The following TOMM20 variants were observed in gnomAD, a reference collection of about 807,000 sequenced individuals.
The protein encoded by TOMM20 is translocase of outer mitochondrial membrane 20, also known as mitochondrial import receptor subunit TOM20 homolog.
TOMM20 carries 10 observed loss-of-function variants against 22.1 expected under a neutral mutation model. The observed-to-expected ratio is 0.45, with a 90% CI of 0.28 to 0.77. TOMM20 has a LOEUF of 0.77. Among genes scored for constraint, TOMM20 ranks in the 30% least tolerant of loss-of-function variants. The pLI, the probability that TOMM20 is intolerant of heterozygous loss-of-function variation, is 0.13. For synonymous variants in TOMM20, 55 were observed against 61.4 expected (o/e 0.90, Z 0.49); for missense variants, 121 against 172.2 (o/e 0.70, Z 1.66).
At chr1:235,113,207 TAA>T (rs892420657) in intron 4 of TOMM20, among the ~76,000 whole-genome samples, 2 of 152,328 alleles carry the variant, frequency 1.3e-5, no homozygotes, top group African/African-American at 4.8e-5. Flanking sequence ...AATTTACACA[TAA>T]GTTAATCTTT....
At chr1:235,115,066 G>C (rs572977347) in intron 3 of TOMM20, among the ~76,000 whole-genome samples, 1 of 150,978 alleles carries the variant, frequency 6.6e-6, no homozygotes, top group Non-Finnish European at 1.5e-5. Flanking sequence ...TTGTAGAAAC[G>C]GGGTCTCACT....
chr1:235,114,050 T>TA, intron 3 of TOMM20, 140 bp from the exon 4 acceptor site: 13 of 832,168 alleles, frequency 1.6e-5, no homozygotes, highest in South Asian at 2.1e-5. Flanking sequence ...AATGCATTCA[T>TA]ATAACTATTA....
At chr1:235,122,566 T>C (rs1375420143) in intron 1 of TOMM20, 194 bp from the exon 2 acceptor site, 1 of 433,362 alleles carries the variant, frequency 2.3e-6, no homozygotes, top group Non-Finnish European at 4.1e-6. Flanking sequence ...GACACTGCAC[T>C]GGAGCGTTCT....
intron 2 of TOMM20, 67 bp from the exon 3 acceptor site, chr1:235,119,966 T>C: frequency 1.0e-6 from 1 of 1,000,232 alleles, no homozygotes. Flanking sequence ...TACACAGATA[T>C]CAATAAAAAT....
chr1:235,119,200 T>C (rs1180913267), intron 3 of TOMM20: 1 of 152,252 alleles, frequency 6.6e-6, no homozygotes, highest in Non-Finnish European at 1.5e-5. Context: ...TTCAATTTCA[T>C]AGCTGAACTT....
chr1:235,122,304 T>G, intron 2 of TOMM20, 22 bp downstream of exon 2: 1 of 1,487,530 alleles, frequency 6.7e-7, no homozygotes, highest in East Asian at 2.4e-5. Context: ...ATATATAATT[T>G]AAACAGAAAC....
Position 235,111,898 on chromosome 1 carries a change from A to G in TOMM20, c.*166T>C. On this transcript the variant is annotated 3_prime_UTR_variant, in exon 5 of 5. Coordinates refer to ENST00000366607, the MANE Select transcript of TOMM20 (RefSeq NM_014765.3). ...CAAAATACACTTTTCACTGGGAAAA[A>G]TAAATAAAATAGACAAATGGATCTA... The G allele has an allele frequency of 1.5e-6, 1 of 662,416 alleles. No homozygotes were observed. The allele number at this position is 662,416 out of a possible 1,614,324, so 41.0% of individuals were successfully genotyped here. A position where few individuals can be genotyped will look rare whatever the true frequency, so the allele number is the denominator to read the frequency against.
In TOMM20 at chr1:235,111,374, G is replaced by A. The variant is rs1377115110; in HGVS notation, c.*690C>T. 6.6e-6 allele frequency: 1 copy of A among 152,226 alleles called. No homozygotes were observed. Among genetic ancestry groups the A allele is most frequent in the African/African-American group, 2.4e-5 (1 of 41,452 alleles). 9.4% of individuals were successfully genotyped at this position (152,226 alleles called of 1,614,324 possible). ...AAGTGAGCACACATTAACTAGCGAAGCTCACAAGGCTAGATTAGGGGTGTA... is the reference window on the plus strand; with the variant it reads ...AAGTGAGCACACATTAACTAGCGAAACTCACAAGGCTAGATTAGGGGTGTA... On this transcript the variant is annotated 3_prime_UTR_variant, in exon 5 of 5. Coordinates refer to ENST00000366607, the MANE Select transcript of TOMM20 (RefSeq NM_014765.3).
At chr1:235,124,107 G>C (rs1660974796) in intron 1 of TOMM20, among the ~76,000 whole-genome samples, 1 of 152,252 alleles carries the variant, frequency 6.6e-6, no homozygotes, top group African/African-American at 2.4e-5. Flanking sequence ...AGCACTTTGG[G>C]AGGCCAAGGC....
chr1:235,114,589 CA>C (rs1032675412), intron 3 of TOMM20, among the ~76,000 whole-genome samples: 11 of 152,048 alleles, frequency 7.2e-5, no homozygotes, highest in African/African-American at 2.4e-4. Context: ...AGGCGCCCAC[CA>C]CCACGCCCGG....
At chr1:235,124,401 G>A (rs1572131547) in intron 1 of TOMM20, among the ~76,000 whole-genome samples, 2 of 152,340 alleles carry the variant, frequency 1.3e-5, no homozygotes, top group East Asian at 1.9e-4. Flanking sequence ...TTTTCCAGAT[G>A]AGAAAATGTA....
intron 1 of TOMM20, among the ~76,000 whole-genome samples, chr1:235,124,824 C>T (rs1297771002): frequency 6.6e-6 from 1 of 152,152 alleles, no homozygotes; most frequent in Non-Finnish European, 1.5e-5. Context: ...TAACTTATTA[C>T]ATTAACATAT....
chr1:235,128,107 G>T (rs899978685), intron 1 of TOMM20, among the ~76,000 whole-genome samples: 1 of 152,146 alleles, frequency 6.6e-6, no homozygotes, highest in Non-Finnish European at 1.5e-5. Context: ...TCGGGAGGCG[G>T]AGGTTGCAGT....
chr1:235,124,134 G>C (rs1660975323), intron 1 of TOMM20, among the ~76,000 whole-genome samples: 1 of 152,230 alleles, frequency 6.6e-6, no homozygotes, highest in Non-Finnish European at 1.5e-5. Flanking sequence ...ATCACTGGAG[G>C]TCAGGAGTTC....
intron 3 of TOMM20, among the ~76,000 whole-genome samples, chr1:235,114,935 T>G (rs1267208002): frequency 1.3e-5 from 2 of 152,124 alleles, no homozygotes. Context: ...AATGGTACAA[T>G]CTTGGCTGAC....
intron 1 of TOMM20, among the ~76,000 whole-genome samples, chr1:235,125,949 G>A: frequency 6.6e-6 from 1 of 151,122 alleles, no homozygotes; most frequent in East Asian, 1.9e-4. Context: ...GTAGAGACGG[G>A]GTTTCACCAT....
chr1:235,128,010 T>C (rs931278276), intron 1 of TOMM20: 1 of 406,634 alleles, frequency 2.5e-6, no homozygotes. Flanking sequence ...ACCCCGTCTC[T>C]ACTAAACACA....
Sources: allele counts gnomAD v4.1 joint callset (sites outside exome capture counted in the v4.1 genomes callset), GRCh38; gene constraint gnomAD v4.1.1; transcripts MANE v1.5; gene names NCBI Gene and HGNC (gene_info 2026-07-23, HGNC 2026-07-21).